ARHGEF18: variants seen among roughly 807,000 people sequenced by gnomAD.
ARHGEF18 encodes the protein rho guanine nucleotide exchange factor 18.
A neutral mutation model predicts 155.7 loss-of-function variants in ARHGEF18; 93 were observed. The observed-to-expected ratio is 0.60, with a 90% CI of 0.50 to 0.71. The LOEUF (loss-of-function observed/expected upper bound fraction) is 0.71. ARHGEF18 is among the 30% of genes least tolerant of loss of function. The pLI is 0.00. For missense variants in ARHGEF18, 1,593 were observed against 1,816.1 expected, an observed-to-expected ratio of 0.88 and a Z score of 2.23; for synonymous variants, 742 against 753.1, an observed-to-expected ratio of 0.99 and a Z score of 0.24.
downstream of ARHGEF18, among the ~76,000 whole-genome samples, chr19:7,473,925 G>T (rs534313889): frequency 2.0e-5 from 3 of 151,716 alleles, no homozygotes; most frequent in East Asian, 5.8e-4. Context: ...CAAAGTTGCA[G>T]TGAGCTATGA....
chr19:7,380,851 G>A, intron 7 of ARHGEF18, 66 bp from the exon 8 acceptor site: 1 of 1,069,110 alleles, frequency 9.4e-7, no homozygotes, highest in Non-Finnish European at 1.2e-6. Flanking sequence ...GTACTCGGTA[G>A]CACTGGGGTA....
chr19:7,360,724 C>A (rs977741017), intron 1 of ARHGEF18, among the ~76,000 whole-genome samples: 33 of 152,198 alleles, frequency 2.2e-4, no homozygotes, highest in Non-Finnish European at 3.5e-4. Flanking sequence ...CTGCCTTTCC[C>A]CTCCCAAGCT....
chr19:7,367,702 C>G (rs1210263395), intron 2 of ARHGEF18, among the ~76,000 whole-genome samples: 1 of 143,710 alleles, frequency 7.0e-6, no homozygotes, highest in African/African-American at 2.6e-5. Context: ...GCCAAGATCG[C>G]ACCATTGCAC....
chr19:7,401,823 A>G (rs1200690146), intron 10 of ARHGEF18, among the ~76,000 whole-genome samples: 2 of 152,212 alleles, frequency 1.3e-5, no homozygotes, highest in African/African-American at 4.8e-5. Context: ...AAGCAGAGAC[A>G]ACCTAAATGT....
At chr19:7,390,020 C>T (rs1003521214) in intron 10 of ARHGEF18, among the ~76,000 whole-genome samples, 1 of 151,718 alleles carries the variant, frequency 6.6e-6, no homozygotes, top group African/African-American at 2.4e-5. Flanking sequence ...GTGAGACCCT[C>T]GTCTCTACAA....
intron 23 of ARHGEF18, 42 bp from the exon 24 acceptor site, chr19:7,466,876 T>G: frequency 6.3e-7 from 1 of 1,583,774 alleles, no homozygotes; most frequent in African/African-American, 1.4e-5. Context: ...GTCGGATGGG[T>G]CTTGAGCCAC....
chr19:7,388,043 G>T (rs1260704418), intron 10 of ARHGEF18, among the ~76,000 whole-genome samples: 1 of 151,974 alleles, frequency 6.6e-6, no homozygotes, highest in Non-Finnish European at 1.5e-5. Context: ...GAGGTTATCT[G>T]GTAGCAAGCA....
intron 14 of ARHGEF18, among the ~76,000 whole-genome samples, chr19:7,445,122 G>T (rs1397773156): frequency 2.6e-5 from 4 of 152,074 alleles, no homozygotes; most frequent in East Asian, 1.9e-4. Context: ...TTGGTTTTTG[G>T]TTCAAGTCAC....
chr19:7,458,296 TTAAAAAAAA>T (rs1282931687), intron 18 of ARHGEF18, among the ~76,000 whole-genome samples: 8 of 110,032 alleles, frequency 7.3e-5, no homozygotes, highest in African/African-American at 2.8e-4. Context: ...CCAAGATAGT[TTAAAAAAAA>T]AAAAAAAAAA....
intron 20 of ARHGEF18, among the ~76,000 whole-genome samples, chr19:7,460,985 C>T (rs1476243082): frequency 6.6e-6 from 1 of 151,960 alleles, no homozygotes; most frequent in East Asian, 2.0e-4. Flanking sequence ...GATGGGGTTT[C>T]ACCATGTTGG....
intron 10 of ARHGEF18, among the ~76,000 whole-genome samples, chr19:7,407,961 CAAAAAA>C (rs71179104): frequency 1.2e-4 from 6 of 48,822 alleles, no homozygotes; most frequent in Admixed American, 6.3e-4. Context: ...GACTCCGTCT[CAAAAAA>C]AAAAAAAAAA....
intron 18 of ARHGEF18, 24 bp downstream of exon 18, chr19:7,456,427 G>A (rs750575852): frequency 1.9e-5 from 31 of 1,609,156 alleles, no homozygotes; most frequent in Middle Eastern, 3.3e-4. Context: ...CTCTTCAGAC[G>A]AAGGGTCGGC....
At position 7,471,125 on chromosome 19, in the gene ARHGEF18, G is replaced by A. The variant is rs1179764377; in HGVS notation, c.*827G>A. 2.1e-5 allele frequency: 6 copies of A among 283,920 alleles called. No homozygotes were observed. The highest frequency in any genetic ancestry group is 8.8e-5 in the African/African-American group (4 of 45,698). 17.6% of individuals were successfully genotyped at this position (283,920 alleles called of 1,614,324 possible). On this transcript the variant is annotated 3_prime_UTR_variant, in exon 29 of 29. Coordinates refer to ENST00000668164, the MANE Select transcript of ARHGEF18 (RefSeq NM_001367823.1). This position sits in a 1 kb window ranked among gnomAD's most constrained non-coding sequence, Gnocchi z 4.4. ...GCGGGCCTCTAGCTTCAGCCAGGGC[G>A]GGTACACACCCTGGGCACAGGGTCC...
rs1002799456 is a variant in ARHGEF18, at chr19:7,379,180, G to A, written c.644+14G>A. The A allele has an allele frequency of 1.1e-5, 14 of 1,232,380 alleles. No individual in the cohort carries two copies. Among genetic ancestry groups the A allele is most frequent in the Non-Finnish European group, 1.3e-5 (13 of 988,226 alleles). 76.3% of individuals were successfully genotyped at this position (1,232,380 alleles called of 1,614,324 possible). ...ACAGTACCATGGGTAAGTGGGAATC[G>A]GGACAGGCTTGAGGGGAGCAAAGTG... On this transcript the variant is annotated intron_variant, in intron 7 of 28. Transcript: ENST00000668164.
intron 10 of ARHGEF18, among the ~76,000 whole-genome samples, chr19:7,397,097 GAAAAAA>G (rs35973104): frequency 5.8e-4 from 36 of 62,294 alleles, no homozygotes; most frequent in Non-Finnish European, 1.2e-3. Context: ...GCCTTTTTGC[GAAAAAA>G]AAAAAAAAAA....
At chr19:7,378,855 G>T (rs1970592919) in intron 6 of ARHGEF18, among the ~76,000 whole-genome samples, 1 of 151,900 alleles carries the variant, frequency 6.6e-6, no homozygotes, top group African/African-American at 2.4e-5. Context: ...ACCACGCCCG[G>T]CTAATTTTTG....
Position 7,462,084 on chromosome 19 carries a change from C to T in ARHGEF18, c.2453-68C>T. On this transcript the variant is annotated intron_variant, in intron 20 of 28. Transcript: ENST00000668164. This position sits in a 1 kb window ranked among gnomAD's most constrained non-coding sequence, Gnocchi z 4.4. ...CGGGGTTCCTCATCCTTAGGCCAGT[C>T]CCCGGGGCTCAGATGATTCCAGGGA... 6.3e-7 allele frequency: 1 copy of T among 1,599,990 alleles called. No homozygotes were observed. Among genetic ancestry groups the T allele is most frequent in the East Asian group, 2.2e-5 (1 of 44,816 alleles).
rs148656409 is a variant in ARHGEF18 at position 7,355,272 on chromosome 19, C to T, written c.-111+6031C>T. Among the ~76,000 whole-genome samples the T allele has an allele frequency of 5.4e-3, 815 of 152,178 alleles. 6 individuals are homozygous for T. The highest frequency in any genetic ancestry group is 9.1e-3 in the Non-Finnish European group (618 of 67,980). On this transcript the variant is annotated intron_variant, in intron 1 of 28. Transcript: ENST00000668164. ...AAATGCATCATCAAACCCACCAAGA[C>T]GATGGCACGCACACACACACAAACA...
chr19:7,391,015 G>C (rs548617435), intron 10 of ARHGEF18, among the ~76,000 whole-genome samples: 2 of 152,024 alleles, frequency 1.3e-5, no homozygotes, highest in Non-Finnish European at 2.9e-5. Flanking sequence ...ACTCCAGCCC[G>C]TTGACAGAGT....
Sources: gnomAD v4.1 joint callset for allele counts (sites outside exome capture counted in the v4.1 genomes callset) on GRCh38, gnomAD v4.1.1 for gene constraint, Gnocchi (gnomAD v3.1) non-coding constraint, MANE v1.5 for transcripts, NCBI Gene and HGNC (gene_info 2026-07-23, HGNC 2026-07-21) for gene names.